Variants in SLC2A13 observed in about 807,000 individuals in gnomAD.
SLC2A13 encodes solute carrier family 2 member 13, also known as proton myo-inositol cotransporter.
Under a neutral mutation model 64.4 loss-of-function variants are expected in SLC2A13, and 32 were observed. The ratio of observed to expected loss-of-function variants is 0.50; its 90% CI spans 0.37 to 0.67. SLC2A13 has a LOEUF of 0.67. Among genes scored for constraint, SLC2A13 ranks in the 30% least tolerant of loss-of-function variants. SLC2A13 has a pLI of 0.00. For synonymous variants in SLC2A13, 338 were observed against 327.1 expected (o/e 1.03, Z -0.36); for missense variants, 743 against 829.2 (o/e 0.90, Z 1.28).
intron 1 of SLC2A13, among the ~76,000 whole-genome samples, chr12:40,050,358 T>C (rs1213946156): frequency 2.6e-5 from 4 of 152,124 alleles, no homozygotes; most frequent in African/African-American, 7.2e-5. Flanking sequence ...AAAAAACACA[T>C]AGATTTTACT....
intron 4 of SLC2A13, among the ~76,000 whole-genome samples, chr12:39,920,209 T>C (rs1014171865): frequency 1.3e-5 from 2 of 152,148 alleles, no homozygotes; most frequent in Non-Finnish European, 2.9e-5. Context: ...GCATGTATTT[T>C]TTAACCTTTT....
At chr12:39,831,235 G>C (rs1209365207) in intron 6 of SLC2A13, among the ~76,000 whole-genome samples, 2 of 152,128 alleles carry the variant, frequency 1.3e-5, no homozygotes, top group African/African-American at 4.8e-5. Flanking sequence ...CCTGGAACAG[G>C]GGCCCATTCA....
At chr12:39,991,698 C>T (rs1420977352) in intron 3 of SLC2A13, among the ~76,000 whole-genome samples, 1 of 152,164 alleles carries the variant, frequency 6.6e-6, no homozygotes, top group Non-Finnish European at 1.5e-5. Context: ...AAAAATATGT[C>T]CCACTCACCA....
intron 7 of SLC2A13, among the ~76,000 whole-genome samples, chr12:39,787,601 C>G (rs1215785085): frequency 6.6e-6 from 1 of 152,052 alleles, no homozygotes; most frequent in Non-Finnish European, 1.5e-5. Flanking sequence ...CCTATTGAAA[C>G]AAGTTTTCTC....
At chr12:40,002,389 ATCTC>A (rs1199381902) in intron 3 of SLC2A13, among the ~76,000 whole-genome samples, 4 of 152,356 alleles carry the variant, frequency 2.6e-5, no homozygotes, top group Admixed American at 1.3e-4. Flanking sequence ...TGTATTACAC[ATCTC>A]TCTAATGCCT....
At position 39,785,118 on chromosome 12, in the gene SLC2A13, C is replaced by A. The variant is rs1592135544; in HGVS notation, c.1446-20260G>T. On this transcript the variant is annotated intron_variant, in intron 7 of 9. Transcript: ENST00000280871. ...AAGTAGCAAGGGGCCTAATGTGAAT[C>A]CCCAAGACCATGGGGAAAATGTCTC... 3.3e-5 allele frequency among the ~76,000 whole-genome samples: 5 copies of A among 152,280 alleles called. 2 individuals carry two copies. The highest frequency in any genetic ancestry group is 3.3e-4 in the Admixed American group (5 of 15,288).
At chr12:39,957,697 C>G (rs1027727448) in intron 3 of SLC2A13, among the ~76,000 whole-genome samples, 9 of 152,200 alleles carry the variant, frequency 5.9e-5, no homozygotes, top group African/African-American at 1.9e-4. Flanking sequence ...GAGCCTTTCA[C>G]TCATCTCTAA....
chr12:39,782,374 T>C (rs577925117), intron 7 of SLC2A13, among the ~76,000 whole-genome samples: 1 of 152,128 alleles, frequency 6.6e-6, no homozygotes, highest in Non-Finnish European at 1.5e-5. Flanking sequence ...ATTCTTGTAA[T>C]AGTGAGTAAG....
chr12:40,048,307 G>A (rs1592038327), intron 1 of SLC2A13, 97 bp from the exon 2 acceptor site: 1 of 1,247,882 alleles, frequency 8.0e-7, no homozygotes, highest in East Asian at 2.5e-5. Context: ...TACATATATG[G>A]GCTTGGTTTT....
intron 3 of SLC2A13, among the ~76,000 whole-genome samples, chr12:40,000,544 T>G (rs1204731538): frequency 1.3e-5 from 2 of 152,152 alleles, no homozygotes; most frequent in Non-Finnish European, 2.9e-5. Context: ...CTGGGTGGCT[T>G]AAACAGAAAT....
In SLC2A13 at chr12:40,105,834, G is replaced by C. The variant is rs761080638; in HGVS notation, c.-26C>G. 8 of 1,393,224 alleles carry C rather than the reference G, an allele frequency of 5.7e-6. No homozygotes were observed. The South Asian group carries it at 6.6e-5, about 12-fold the overall frequency. 86.3% of individuals were successfully genotyped at this position (1,393,224 alleles called of 1,614,324 possible). On this transcript the variant is annotated 5_prime_UTR_variant, in exon 1 of 10. Coordinates refer to ENST00000280871, the MANE Select transcript of SLC2A13 (RefSeq NM_052885.4). This position sits in a 1 kb window ranked among gnomAD's most constrained non-coding sequence, Gnocchi z 4.2. ...AGGGCAGGGGCCCGGGGCTGCCCGG[G>C]GGGACGCGGCTCCGCGGGCCGGCAG...
intron 3 of SLC2A13, among the ~76,000 whole-genome samples, chr12:40,014,982 T>C (rs1300005775): frequency 6.6e-6 from 1 of 152,222 alleles, no homozygotes; most frequent in Non-Finnish European, 1.5e-5. Context: ...CAAGACTAAA[T>C]TAAATATACA....
In SLC2A13 at chr12:39,756,732, TC is replaced by T. The variant is rs1939978020; in HGVS notation, c.*3293del. 1 of 151,676 alleles carries T rather than the reference TC, an allele frequency of 6.6e-6. No homozygotes were observed. Among genetic ancestry groups the T allele is most frequent in the Non-Finnish European group, 1.5e-5 (1 of 67,684 alleles). The allele number at this position is 151,676 out of a possible 1,614,324, so 9.4% of individuals were successfully genotyped here. On this transcript the variant is annotated 3_prime_UTR_variant, in exon 10 of 10. Transcript: ENST00000280871. ...AGCTTATATTTTTCCTGATCATTCTTCCCCTGTATAACAGATACTGAAATTA... is the reference window on the plus strand; with the variant it reads ...AGCTTATATTTTTCCTGATCATTCTTCCCTGTATAACAGATACTGAAATTA...
Position 39,982,507 on chromosome 12 carries a change from A to C in SLC2A13, c.926-31142T>G, listed in dbSNP as rs1299544743. 2.0e-5 allele frequency among the ~76,000 whole-genome samples: 3 copies of C among 151,628 alleles called. No homozygotes were observed. The East Asian group carries it at 5.9e-4, about 30-fold the overall frequency. On this transcript the variant is annotated intron_variant, in intron 3 of 9. Transcript: ENST00000280871. ...CAGGATACAAAATCAAAGTACAAAAATCACAAGCATTCTTATACACCAACA... is the reference window on the plus strand; with the variant it reads ...CAGGATACAAAATCAAAGTACAAAACTCACAAGCATTCTTATACACCAACA...
chr12:40,074,348 G>A (rs1938084236), intron 1 of SLC2A13, among the ~76,000 whole-genome samples: 1 of 151,756 alleles, frequency 6.6e-6, no homozygotes, highest in African/African-American at 2.4e-5. Flanking sequence ...AAAACTTTTT[G>A]TAGAGATGCA....
At chr12:40,068,126 T>TGCAATCACAGGTCA (rs1937809412) in intron 1 of SLC2A13, 1 of 197,166 alleles carries the variant, frequency 5.1e-6, no homozygotes, top group East Asian at 1.8e-4. Context: ...CCCAGGGTGG[T>TGCAATCACAGGTCA]CTCCAACTAC....
intron 4 of SLC2A13, among the ~76,000 whole-genome samples, chr12:39,887,255 CAA>C (rs1022935894): frequency 1.3e-5 from 2 of 152,106 alleles, no homozygotes; most frequent in Non-Finnish European, 2.9e-5. Context: ...TCATAAAATA[CAA>C]AAGTCATACA....
intron 7 of SLC2A13, among the ~76,000 whole-genome samples, chr12:39,807,990 A>G (rs1437341399): frequency 6.6e-6 from 1 of 152,142 alleles, no homozygotes; most frequent in Non-Finnish European, 1.5e-5. Context: ...TTCATGTATA[A>G]TATACAAAAT....
intron 6 of SLC2A13, among the ~76,000 whole-genome samples, chr12:39,844,953 T>C (rs1444486612): frequency 6.6e-6 from 1 of 152,030 alleles, no homozygotes; most frequent in Admixed American, 6.6e-5. Context: ...GTTTTTAATA[T>C]GGACTAATGG....
Sources: allele counts gnomAD v4.1 joint callset (sites outside exome capture counted in the v4.1 genomes callset), GRCh38; gene constraint gnomAD v4.1.1; non-coding constraint Gnocchi (gnomAD v3.1); transcripts MANE v1.5; gene names NCBI Gene and HGNC (gene_info 2026-07-23, HGNC 2026-07-21).